The following STK32B variants were observed in gnomAD, a reference collection of about 807,000 sequenced individuals.
The protein encoded by STK32B is serine/threonine-protein kinase 32B.
A neutral mutation model predicts 52.6 loss-of-function variants in STK32B; 43 were observed. The ratio of observed to expected loss-of-function variants is 0.82; its 90% confidence interval spans 0.64 to 1.05. The LOEUF is 1.05. STK32B is among the 50% of genes least tolerant of loss of function. The pLI is 0.00. For synonymous variants in STK32B, 238 were observed against 204.3 expected (o/e 1.17, Z -1.41); for missense variants, 621 against 534.6 (o/e 1.16, Z -1.59).
At chr4:5,287,780 A>T (rs1442905196) in intron 3 of STK32B, among the ~76,000 whole-genome samples, 1 of 152,180 alleles carries the variant, frequency 6.6e-6, no homozygotes, top group Non-Finnish European at 1.5e-5. Context: ...ATAAATTCAC[A>T]TGCCATAAAA....
At chr4:5,081,404 ATC>A (rs1297025246) in intron 1 of STK32B, among the ~76,000 whole-genome samples, 1 of 152,178 alleles carries the variant, frequency 6.6e-6, no homozygotes, top group Non-Finnish European at 1.5e-5. Flanking sequence ...ATGTCCGTAT[ATC>A]TCCGCATATT....
intron 4 of STK32B, among the ~76,000 whole-genome samples, chr4:5,387,882 T>C (rs191010538): frequency 1.3e-5 from 2 of 152,180 alleles, no homozygotes; most frequent in African/African-American, 2.4e-5. Context: ...GTAGCCAGGA[T>C]TACAGGCTCC....
chr4:5,239,611 C>A (rs1466587037), intron 3 of STK32B, among the ~76,000 whole-genome samples: 2 of 152,102 alleles, frequency 1.3e-5, no homozygotes, highest in Non-Finnish European at 2.9e-5. Context: ...CCAACTGATG[C>A]TGGGCAAGGC....
chr4:5,274,681 C>G (rs1338617147), intron 3 of STK32B, among the ~76,000 whole-genome samples: 1 of 152,226 alleles, frequency 6.6e-6, no homozygotes, highest in Admixed American at 6.5e-5. Flanking sequence ...CAGCGACCCT[C>G]TTTGGGTCCC....
intron 2 of STK32B, among the ~76,000 whole-genome samples, chr4:5,160,691 C>T (rs1294163600): frequency 2.6e-5 from 4 of 152,192 alleles, no homozygotes; most frequent in African/African-American, 9.7e-5. Context: ...TGCTATGTGC[C>T]AGACACTGAG....
intron 4 of STK32B, among the ~76,000 whole-genome samples, chr4:5,355,586 C>T (rs1577387700): frequency 6.6e-6 from 1 of 152,092 alleles, no homozygotes; most frequent in Non-Finnish European, 1.5e-5. Flanking sequence ...ACCAGATAAT[C>T]CCTTGTTATG....
chr4:5,129,440 G>T (rs1449868186), intron 1 of STK32B, among the ~76,000 whole-genome samples: 3 of 152,170 alleles, frequency 2.0e-5, no homozygotes, highest in African/African-American at 7.2e-5. Flanking sequence ...CTTGTTCATT[G>T]TAGGCGTCTT....
At position 5,082,401 on chromosome 4, in the gene STK32B, C is replaced by T. The variant is rs550073710; in HGVS notation, c.52+30486C>T. ...GAGGCAGATGGAGCATTGTAGGTAC[C>T]CATGTGCTAATTGAGGAATCCATAG... On this transcript the variant is annotated intron_variant, in intron 1 of 11. Coordinates refer to ENST00000282908, the MANE Select transcript of STK32B (RefSeq NM_018401.3). Among the ~76,000 whole-genome samples, 6 of 152,174 alleles carry T rather than the reference C, an allele frequency of 3.9e-5. No homozygotes were observed. In the South Asian group the frequency reaches 1.0e-3, roughly 26 times the overall value.
chr4:5,456,124 T>C (rs1429398891), intron 7 of STK32B, among the ~76,000 whole-genome samples: 2 of 152,126 alleles, frequency 1.3e-5, no homozygotes, highest in Non-Finnish European at 2.9e-5. Context: ...AGGGTCACAG[T>C]CAAGAAAATC....
At chr4:5,182,708 C>T (rs1210899833) in intron 3 of STK32B, among the ~76,000 whole-genome samples, 1 of 152,128 alleles carries the variant, frequency 6.6e-6, no homozygotes, top group African/African-American at 2.4e-5. Context: ...ATCTGCCTGC[C>T]TCGGCCTCTC....
At chr4:5,211,077 GAGCTACC>G (rs1722877240) in intron 3 of STK32B, among the ~76,000 whole-genome samples, 2 of 152,106 alleles carry the variant, frequency 1.3e-5, no homozygotes, top group South Asian at 4.1e-4. Context: ...TTACAGGTGT[GAGCTACC>G]ATGCCCTACC....
At chr4:5,155,494 GAC>G (rs1174169341) in intron 2 of STK32B, among the ~76,000 whole-genome samples, 1 of 152,094 alleles carries the variant, frequency 6.6e-6, no homozygotes, top group Admixed American at 6.5e-5. Context: ...AGTTTATAGA[GAC>G]ACACATATGT....
In STK32B at chr4:5,246,317, T is replaced by C. The variant is rs1347583244; in HGVS notation, c.260+77867T>C. ...AAGATTCTCTTCATGCTTCATTTCA[T>C]GCATTTTGTCTTCCATAGCTGATAC... On this transcript the variant is annotated intron_variant, in intron 3 of 11. Transcript: ENST00000282908. Among the ~76,000 whole-genome samples the C allele has an allele frequency of 4.6e-5, 7 of 152,210 alleles. No individual in the cohort carries two copies. In the South Asian group the frequency reaches 1.4e-3, roughly 32 times the overall value.
chr4:5,052,847 G>C (rs1479979718), intron 1 of STK32B, among the ~76,000 whole-genome samples: 8 of 152,184 alleles, frequency 5.3e-5, no homozygotes, highest in Non-Finnish European at 2.9e-5. Flanking sequence ...TAAGAGCTGA[G>C]ACATACTGAG....
intron 3 of STK32B, among the ~76,000 whole-genome samples, chr4:5,249,446 C>CCTTCCTTG (rs1725735415): frequency 2.8e-5 from 1 of 35,298 alleles, no homozygotes; most frequent in Non-Finnish European, 5.1e-5. Flanking sequence ...TACCTACCTT[C>CCTTCCTTG]CTTCCTTCCT....
chr4:5,126,217 C>A (rs1185674816), intron 1 of STK32B, among the ~76,000 whole-genome samples: 1 of 152,168 alleles, frequency 6.6e-6, no homozygotes, highest in Non-Finnish European at 1.5e-5. Context: ...TGTTTTAGTT[C>A]TCCTGTAGCT....
intron 3 of STK32B, among the ~76,000 whole-genome samples, chr4:5,257,440 G>T (rs1726403576): frequency 6.6e-6 from 1 of 152,156 alleles, no homozygotes; most frequent in Non-Finnish European, 1.5e-5. Context: ...ATGAGTGGAT[G>T]GATGCAGAGC....
intron 3 of STK32B, among the ~76,000 whole-genome samples, chr4:5,301,249 G>A (rs11733608): frequency 0.14 from 20,860 of 151,888 alleles, 2,854 homozygotes; most frequent in African/African-American, 0.36. Context: ...TTCTTATGAT[G>A]TCTTTGGTTT....
chr4:5,237,893 C>CT (rs140330036), intron 3 of STK32B, among the ~76,000 whole-genome samples: 2,228 of 152,222 alleles, frequency 0.015, 38 homozygotes, highest in African/African-American at 0.05. Context: ...ATTTTTCAAG[C>CT]TTTATTTGGA....
Sources: allele counts gnomAD v4.1 joint callset (sites outside exome capture counted in the v4.1 genomes callset), GRCh38; gene constraint gnomAD v4.1.1; transcripts MANE v1.5; gene names NCBI Gene and HGNC (gene_info 2026-07-23, HGNC 2026-07-21).